MYO15B: variants seen among roughly 807,000 people sequenced by gnomAD.
MYO15B encodes myosin XVB pseudogene.
Under a neutral mutation model 119.3 loss-of-function variants are expected in MYO15B, and 207 were observed. The observed-to-expected ratio is 1.73, with a 90% confidence interval of 1.55 to 1.95. The LOEUF (loss-of-function observed/expected upper bound fraction) is 1.95. Ranked by LOEUF, MYO15B falls within the 30% of genes most tolerant of loss-of-function variation. The pLI is 0.00. For missense variants in MYO15B, 2,264 were observed against 1,203.1 expected, an observed-to-expected ratio of 1.88 and a Z score of -13.04; for synonymous variants, 966 against 498.9, an observed-to-expected ratio of 1.94 and a Z score of -12.48.
rs1007628699 is a variant in MYO15B at position 75,605,538 on chromosome 17, C to T, written c.4051C>T (p.Leu1351Phe). ...CCTGGGGTCAGAAGGGCAGGAAGAC[C>T]TCTCTGACCGGGAGAAGTGTGGTGC... The change falls in exon 20 of 64, where the codon CTC becomes TTC. Residue 1351 changes from leucine to phenylalanine, a missense_variant. Coordinates refer to ENST00000645453, the Ensembl canonical transcript of MYO15B. 29 of 702,834 alleles carry T rather than the reference C, an allele frequency of 4.1e-5. 1 individual carries two copies. The Admixed American group carries it at 5.2e-4, about 13-fold the overall frequency. The allele number at this position is 702,834 out of a possible 1,614,324, so 43.5% of individuals were successfully genotyped here. A position where few individuals can be genotyped will look rare whatever the true frequency, so the allele number is the denominator to read the frequency against.
At chr17:75,594,638 G>A in intron 10 of MYO15B, 50 bp downstream of exon 10, 3 of 698,420 alleles carry the variant, frequency 4.3e-6, no homozygotes, top group Non-Finnish European at 5.2e-6. Flanking sequence ...TGACCCACAG[G>A]CTGAGTAAGC....
Position 75,605,623 on chromosome 17 carries a change from TG to T in MYO15B, c.4134+5del. The T allele has an allele frequency of 2.8e-6, 2 of 702,798 alleles. No individual in the cohort carries two copies. The highest frequency in any genetic ancestry group is 5.2e-6 in the Non-Finnish European group (2 of 384,982). 43.5% of individuals were successfully genotyped at this position (702,798 alleles called of 1,614,324 possible). A position where few individuals can be genotyped will look rare whatever the true frequency, so the allele number is the denominator to read the frequency against. The stretch of plus-strand genomic sequence containing the variant: ...CTCTATCACCTTGGAGCCACCAAGG[TG>T]GGTGTGTGTATCCCTGTGTGCAGAG... On this transcript the variant is annotated splice_donor_region_variant and intron_variant, in intron 20 of 63. Coordinates refer to ENST00000645453, the Ensembl canonical transcript of MYO15B.
chr17:75,599,369 G>T (rs577636000), intron 14 of MYO15B, among the ~76,000 whole-genome samples: 1 of 152,196 alleles, frequency 6.6e-6, no homozygotes, highest in South Asian at 2.1e-4. Context: ...CCGCCTCGCG[G>T]GTTGACGCCA....
rs2056484092 is a variant in MYO15B, at chr17:75,591,909, C to G, written c.2548-68C>G. ...GACTGACGCCTCCCTGGACCTGCCC[C>G]TAGCTGGGATGCCTGCTGGTGGGGG... On this transcript the variant is annotated intron_variant, in intron 5 of 63. Coordinates refer to ENST00000645453, the Ensembl canonical transcript of MYO15B. 4 of 686,280 alleles carry G rather than the reference C, an allele frequency of 5.8e-6. No homozygotes were observed. The East Asian group carries it at 1.1e-4, about 19-fold the overall frequency. The allele number at this position is 686,280 out of a possible 1,614,324, so 42.5% of individuals were successfully genotyped here. A position where few individuals can be genotyped will look rare whatever the true frequency, so the allele number is the denominator to read the frequency against.
At chr17:75,614,353 C>T (rs2148007960) in exon 30 of MYO15B, 1 of 702,592 alleles carries the variant, frequency 1.4e-6, no homozygotes, top group Non-Finnish European at 2.6e-6. Context: ...CATCACTCCT[C>T]TTGGCTCGTA....
chr17:75,595,855 G>C (rs551645636), intron 12 of MYO15B, among the ~76,000 whole-genome samples: 1 of 152,240 alleles, frequency 6.6e-6, no homozygotes. Flanking sequence ...AGGACAGCCA[G>C]GAGGGGGCTG....
chr17:75,591,569 C>T (rs1300886140), intron 4 of MYO15B, 32 bp from the exon 5 acceptor site: 12 of 702,720 alleles, frequency 1.7e-5, no homozygotes, highest in South Asian at 1.6e-4. Context: ...TGTGCCCCTC[C>T]CTGGAGACCC....
In MYO15B at chr17:75,625,130, G is replaced by A. The variant is rs764463388; in HGVS notation, c.8696G>A (p.Trp2899Ter). ...ACCGTGCTCCCCGCACAGGTGCTGT[G>A]GGACTACCTTCAGGGGAAGCTGCCA... The change falls in exon 60 of 64, where the codon TGG becomes TAG. Residue 2899 changes from tryptophan to a stop codon, truncating the protein, a stop_gained. Transcript: ENST00000645453. LOFTEE classifies it high-confidence loss of function. 1.0e-5 allele frequency: 7 copies of A among 697,282 alleles called. No homozygotes were observed. The South Asian group carries it at 1.0e-4, about 10-fold the overall frequency. 43.2% of individuals were successfully genotyped at this position (697,282 alleles called of 1,614,324 possible).
At chr17:75,624,584 T>A (rs913288215) in exon 58 of MYO15B, 1 of 702,724 alleles carries the variant, frequency 1.4e-6, no homozygotes, top group African/African-American at 1.7e-5. Flanking sequence ...GGCAAATGGG[T>A]ATCACGGAGC....
At chr17:75,618,241 GC>G in intron 43 of MYO15B, 56 bp downstream of exon 43, 1 of 701,074 alleles carries the variant, frequency 1.4e-6, no homozygotes, top group Non-Finnish European at 2.6e-6. Context: ...CATCCTTCGT[GC>G]CCTTTGTCTA....
At chr17:75,624,512 C>G in intron 57 of MYO15B, 31 bp from the exon 58 acceptor site, 1 of 702,932 alleles carries the variant, frequency 1.4e-6, no homozygotes, top group Admixed American at 2.0e-5. Context: ...CAGCCTCCCT[C>G]CCCCTCATCA....
intron 14 of MYO15B, among the ~76,000 whole-genome samples, chr17:75,598,152 G>GC (rs2056989328): frequency 6.6e-6 from 1 of 151,600 alleles, no homozygotes; most frequent in African/African-American, 2.4e-5. Context: ...TGAAAGGTGA[G>GC]CCAGGCATGG....
chr17:75,592,876 C>T (rs1392365713), intron 9 of MYO15B, 36 bp downstream of exon 9: 2 of 692,532 alleles, frequency 2.9e-6, no homozygotes, highest in East Asian at 2.7e-5. Context: ...ATCTGGGGTG[C>T]TGGGTCTGTA....
At chr17:75,602,492 TC>T in intron 15 of MYO15B, 24 bp from the exon 16 acceptor site, 1 of 702,886 alleles carries the variant, frequency 1.4e-6, no homozygotes, top group Non-Finnish European at 2.6e-6. Flanking sequence ...TCCACTTCCC[TC>T]CCCACCTGCA....
chr17:75,606,574 A>G (rs1481441559), intron 21 of MYO15B, among the ~76,000 whole-genome samples: 1 of 152,098 alleles, frequency 6.6e-6, no homozygotes, highest in African/African-American at 2.4e-5. Flanking sequence ...AACAGGTTCA[A>G]GTGATTCTCC....
In MYO15B at chr17:75,590,166, G is replaced by A. The variant is rs567117658; in HGVS notation, c.2109G>A (p.Glu703=). Reference sequence around the variant, plus strand: ...AGCTGAGCCTCCGGCCGGGCCTGGAGGCGCCACCCTTCCCCGGTGCCAAGG... The same window carrying A: ...AGCTGAGCCTCCGGCCGGGCCTGGAAGCGCCACCCTTCCCCGGTGCCAAGG... Residue 703 remains glutamate, a synonymous_variant, in exon 1 of 64, where the codon GAG becomes GAA. Coordinates refer to ENST00000645453, the Ensembl canonical transcript of MYO15B. 9.0e-5 allele frequency: 36 copies of A among 399,138 alleles called. No individual in the cohort carries two copies. In the South Asian group the frequency reaches 4.3e-3, roughly 48 times the overall value. 24.7% of individuals were successfully genotyped at this position (399,138 alleles called of 1,614,324 possible).
At chr17:75,626,804 G>T in exon 64 of MYO15B, 1 of 492,080 alleles carries the variant, frequency 2.0e-6, no homozygotes, top group Non-Finnish European at 3.7e-6. Context: ...ACAAGCCCAG[G>T]CATGGGAGAA....
Position 75,622,086 on chromosome 17 carries a change from C to A in MYO15B, c.8082+6C>A, listed in dbSNP as rs952187324. On this transcript the variant is annotated splice_donor_region_variant and intron_variant, in intron 53 of 63. Coordinates refer to ENST00000645453, the Ensembl canonical transcript of MYO15B. ...TGCTCTATGAACTGCTGAAGGTAAG[C>A]CTGGGCTGTGCGACCCCCAGCGCCT... The A allele has an allele frequency of 4.3e-6, 3 of 702,970 alleles. No homozygotes were observed. 43.5% of individuals were successfully genotyped at this position (702,970 alleles called of 1,614,324 possible). A position where few individuals can be genotyped will look rare whatever the true frequency, so the allele number is the denominator to read the frequency against.
In MYO15B at chr17:75,596,559, A is replaced by T; in HGVS notation, c.3393+4A>T. ...GATGCTGCTGGCCCAGGAGGAGGTAAGAGGATTGGGCGTGGACGTGGCAGG... is the reference window on the plus strand; with the variant it reads ...GATGCTGCTGGCCCAGGAGGAGGTATGAGGATTGGGCGTGGACGTGGCAGG... On this transcript the variant is annotated splice_donor_region_variant and intron_variant, in intron 13 of 63. Coordinates refer to ENST00000645453, the Ensembl canonical transcript of MYO15B. 1 of 703,020 alleles carries T rather than the reference A, an allele frequency of 1.4e-6. No individual in the cohort carries two copies. The highest frequency in any genetic ancestry group is 2.6e-6 in the Non-Finnish European group (1 of 384,996). The allele number at this position is 703,020 out of a possible 1,614,324, so 43.5% of individuals were successfully genotyped here. A position where few individuals can be genotyped will look rare whatever the true frequency, so the allele number is the denominator to read the frequency against.
Sources: gnomAD v4.1 joint callset for allele counts (sites outside exome capture counted in the v4.1 genomes callset) on GRCh38, gnomAD v4.1.1 for gene constraint, MANE v1.5 for transcripts, NCBI Gene and HGNC (gene_info 2026-07-23, HGNC 2026-07-21) for gene names.